ANKRD18A: variants seen among roughly 807,000 people sequenced by gnomAD.
ANKRD18A encodes ankyrin repeat domain-containing protein 18A.
ANKRD18A carries 72 observed loss-of-function variants against 110.6 expected under a neutral mutation model. The observed-to-expected ratio is 0.65, with a 90% confidence interval of 0.54 to 0.79. The LOEUF is 0.79. ANKRD18A is among the 30% of genes least tolerant of loss of function. ANKRD18A has a pLI of 0.00. For missense variants in ANKRD18A, 934 were observed against 1,163.3 expected, an observed-to-expected ratio of 0.80 and a Z score of 2.87; for synonymous variants, 305 against 410.3, an observed-to-expected ratio of 0.74 and a Z score of 3.10.
intron 15 of ANKRD18A, 93 bp downstream of exon 15, chr9:38,575,383 C>T (rs1486187817): frequency 9.4e-6 from 12 of 1,276,618 alleles, no homozygotes; most frequent in African/African-American, 3.0e-5. Flanking sequence ...ACTTAACATG[C>T]GTAAGTCAAC....
chr9:38,609,121 A>G (rs1587537307), intron 5 of ANKRD18A, among the ~76,000 whole-genome samples: 1 of 152,310 alleles, frequency 6.6e-6, no homozygotes, highest in Admixed American at 6.5e-5. Flanking sequence ...TAGAGCCAGG[A>G]GGCCTCGCTG....
intron 8 of ANKRD18A, among the ~76,000 whole-genome samples, chr9:38,599,544 A>C (rs1198288994): frequency 6.6e-6 from 1 of 151,908 alleles, no homozygotes; most frequent in Non-Finnish European, 1.5e-5. Context: ...GGCTCAACAC[A>C]ACCTCTGCCT....
intron 11 of ANKRD18A, among the ~76,000 whole-genome samples, chr9:38,588,203 C>T (rs1385966223): frequency 6.6e-6 from 1 of 152,012 alleles, no homozygotes; most frequent in Admixed American, 6.5e-5. Flanking sequence ...TTTTTTCATC[C>T]CAATCTCGCC....
intron 15 of ANKRD18A, among the ~76,000 whole-genome samples, chr9:38,573,281 A>G (rs1823732268): frequency 6.6e-6 from 1 of 152,234 alleles, no homozygotes; most frequent in Non-Finnish European, 1.5e-5. Context: ...CACATTAAGT[A>G]AAGTAAAATT....
intron 5 of ANKRD18A, among the ~76,000 whole-genome samples, chr9:38,608,531 T>C (rs2118855389): frequency 6.8e-6 from 1 of 147,714 alleles, no homozygotes; most frequent in East Asian, 1.9e-4. Context: ...ATATAATCTA[T>C]AATTATATAA....
intron 6 of ANKRD18A, among the ~76,000 whole-genome samples, chr9:38,606,406 A>G (rs1239327585): frequency 2.8e-4 from 43 of 152,342 alleles, no homozygotes; most frequent in Admixed American, 2.8e-3. Flanking sequence ...ATCAACCTGA[A>G]GATGATAAAG....
Position 38,615,728 on chromosome 9 carries a change from G to A in ANKRD18A, c.361C>T (p.Leu121=). The part of the protein sequence containing the change: ...SQEEACAIVL[L]ECGANPNIED... ...ATGTTTGGATTGGCGCCACATTCCA[G>A]GAGAACGATGGCACAAGCCTCTTCC... The change falls in exon 3 of 16, where the codon CTG becomes TTG. Residue 121 remains leucine (L), a synonymous_variant. Transcript: ENST00000399703. 1.2e-6 allele frequency: 2 copies of A among 1,612,960 alleles called. No individual in the cohort carries two copies. Among genetic ancestry groups the A allele is most frequent in the Non-Finnish European group, 1.7e-6 (2 of 1,179,880 alleles).
chr9:38,595,042 G>T (rs1824811299), intron 9 of ANKRD18A, among the ~76,000 whole-genome samples: 1 of 152,120 alleles, frequency 6.6e-6, no homozygotes, highest in South Asian at 2.1e-4. Context: ...TGGAAACAAA[G>T]CATGTTTCCA....
chr9:38,598,807 G>A (rs946944079), intron 8 of ANKRD18A, among the ~76,000 whole-genome samples: 3 of 152,174 alleles, frequency 2.0e-5, no homozygotes, highest in Non-Finnish European at 4.4e-5. Context: ...TGGAACAAGC[G>A]CTGTATTGGT....
chr9:38,614,226 T>C (rs1224349888), intron 3 of ANKRD18A, among the ~76,000 whole-genome samples: 1 of 144,272 alleles, frequency 6.9e-6, no homozygotes, highest in Non-Finnish European at 1.5e-5. Flanking sequence ...GAGGTTTTTT[T>C]TTTTTTTTTT....
At chr9:38,603,271 C>T (rs1490908401) in intron 6 of ANKRD18A, 59 bp from the exon 7 acceptor site, 1 of 1,547,366 alleles carries the variant, frequency 6.5e-7, no homozygotes. Flanking sequence ...CCTCTGCCTC[C>T]TTACCTGGCA....
chr9:38,611,424 A>G (rs1825616960), intron 3 of ANKRD18A, 103 bp from the exon 4 acceptor site: 1 of 1,491,352 alleles, frequency 6.7e-7, no homozygotes, highest in Non-Finnish European at 8.9e-7. Context: ...TGCAATATAG[A>G]GAGAAAGTAA....
At chr9:38,587,001 G>GA (rs552312985) in intron 11 of ANKRD18A, among the ~76,000 whole-genome samples, 40 of 152,030 alleles carry the variant, frequency 2.6e-4, no homozygotes, top group African/African-American at 8.9e-4. Context: ...ATATATGTTT[G>GA]AAAAAGACAC....
intron 4 of ANKRD18A, 122 bp from the exon 5 acceptor site, chr9:38,610,532 T>C (rs1468248146): frequency 2.6e-5 from 34 of 1,331,696 alleles, no homozygotes; most frequent in Non-Finnish European, 3.2e-5. Flanking sequence ...ACCATTTACA[T>C]GTACTAGCTT....
chr9:38,582,576 A>C (rs963261619), intron 12 of ANKRD18A, among the ~76,000 whole-genome samples: 1 of 152,248 alleles, frequency 6.6e-6, no homozygotes. Flanking sequence ...CAAGGTAACA[A>C]AAAAACAGAA....
intron 12 of ANKRD18A, among the ~76,000 whole-genome samples, chr9:38,585,693 T>G (rs1250206798): frequency 6.6e-6 from 1 of 152,240 alleles, no homozygotes; most frequent in Non-Finnish European, 1.5e-5. Flanking sequence ...TATTGTATTA[T>G]GAAGACACAT....
rs28651849 is a variant in ANKRD18A, at chr9:38,614,957, C to G, written c.495+637G>C. 9.7e-3 allele frequency among the ~76,000 whole-genome samples: 1,481 copies of G among 152,258 alleles called. 21 individuals are homozygous for G. The highest frequency in any genetic ancestry group is 0.033 in the African/African-American group (1,384 of 41,530). On this transcript the variant is annotated intron_variant, in intron 3 of 15. Transcript: ENST00000399703. ...CTGCCAATCTGGTTTCCTCAGAGTC[C>G]TCTAAAAATTAATCTTTAGGCAAGT...
In ANKRD18A at chr9:38,615,682, G is replaced by T; in HGVS notation, c.407C>A (p.Thr136Asn). The change falls in exon 3 of 16, where the codon ACT (threonine) becomes AAT (asparagine). Residue 136 changes from threonine to asparagine, a missense_variant. By Grantham distance (65) the Thr-to-Asn change is moderately conservative (BLOSUM62 0). Coordinates refer to ENST00000399703, the MANE Select transcript of ANKRD18A (RefSeq NM_147195.4). ...NPNIEDIYGN[T>N]ALHYAVYNKG... ...ATTATACACGGCATAATGGAGAGCA[G>T]TGTTGCCGTAGATATCCTCAATGTT... 4 of 1,612,438 alleles carry T rather than the reference G, an allele frequency of 2.5e-6. No individual in the cohort carries two copies. The highest frequency in any genetic ancestry group is 3.4e-6 in the Non-Finnish European group (4 of 1,179,832).
chr9:38,588,121 G>A (rs1245416051), intron 11 of ANKRD18A, among the ~76,000 whole-genome samples: 3 of 151,880 alleles, frequency 2.0e-5, no homozygotes, highest in Non-Finnish European at 4.4e-5. Flanking sequence ...AAAAATAGGC[G>A]TAATGTTTTG....
Sources: gnomAD v4.1 joint callset for allele counts (sites outside exome capture counted in the v4.1 genomes callset) on GRCh38, gnomAD v4.1.1 for gene constraint, MANE v1.5 for transcripts, NCBI Gene and HGNC (gene_info 2026-07-23, HGNC 2026-07-21) for gene names.